Variants in SUGT1 observed in about 807,000 individuals in gnomAD.
SUGT1 encodes the protein SGT1 assembly cochaperone of MIS12 kinetochore complex, also known as protein SGT1 homolog.
SUGT1 carries 15 observed loss-of-function variants against 56.1 expected under a neutral mutation model. That is an observed-to-expected ratio of 0.27 (90% confidence interval 0.18 to 0.41). The LOEUF is 0.41. Ranked by LOEUF, SUGT1 falls within the 10% of genes least tolerant of loss-of-function variation. SUGT1 has a pLI of 1.00. For synonymous variants in SUGT1, 123 were observed against 128.6 expected (o/e 0.96, Z 0.30); for missense variants, 347 against 382.2 (o/e 0.91, Z 0.77).
intron 3 of SUGT1, 120 bp from the exon 4 acceptor site, chr13:52,658,279 T>G: frequency 4.5e-6 from 7 of 1,540,508 alleles, no homozygotes; most frequent in Non-Finnish European, 6.1e-6. Flanking sequence ...TTTCCTAATT[T>G]AAAACCATTT....
chr13:52,663,751 G>A (rs533527117), intron 7 of SUGT1, among the ~76,000 whole-genome samples: 1 of 152,236 alleles, frequency 6.6e-6, no homozygotes, highest in African/African-American at 2.4e-5. Flanking sequence ...GCCTTTAGAA[G>A]TTTTCTGTTA....
chr13:52,683,153 G>T (rs558228971), intron 12 of SUGT1, among the ~76,000 whole-genome samples: 2 of 152,170 alleles, frequency 1.3e-5, no homozygotes, highest in Non-Finnish European at 2.9e-5. Flanking sequence ...TTGAATAAGA[G>T]TAGTGAGAGT....
chr13:52,679,621 G>A (rs1366283129), intron 11 of SUGT1, among the ~76,000 whole-genome samples: 2 of 152,084 alleles, frequency 1.3e-5, no homozygotes, highest in Non-Finnish European at 2.9e-5. Flanking sequence ...TACTGTCTCT[G>A]CAACTTTTCT....
At position 52,687,704 on chromosome 13, in the gene SUGT1, G is replaced by A. The variant is rs780357929; in HGVS notation, c.901-30G>A. 6.6e-6 allele frequency: 10 copies of A among 1,519,174 alleles called. No individual in the cohort carries two copies. In the Admixed American group the frequency reaches 2.1e-4, roughly 32 times the overall value. 94.1% of individuals were successfully genotyped at this position (1,519,174 alleles called of 1,614,324 possible). ...ATTCTATTTTGATTATATGGTCCAGGAATTAATCTATTTTTATTTTTCATT... is the reference window on the plus strand; with the variant it reads ...ATTCTATTTTGATTATATGGTCCAGAAATTAATCTATTTTTATTTTTCATT... On this transcript the variant is annotated intron_variant, in intron 12 of 12. Transcript: ENST00000310528.
intron 10 of SUGT1, among the ~76,000 whole-genome samples, chr13:52,673,354 C>T (rs917352820): frequency 6.6e-6 from 1 of 151,784 alleles, no homozygotes; most frequent in African/African-American, 2.4e-5. Flanking sequence ...TCATGTGATC[C>T]TCCCACTTCA....
Position 52,690,831 on chromosome 13 carries a change from T to G in SUGT1, c.*2996T>G, listed in dbSNP as rs900353203. ...AAATGGAATGGAGAAAGAGGATGGC[T>G]TGCATTAATAACTCTAGTTTTTAAA... On this transcript the variant is annotated 3_prime_UTR_variant, in exon 13 of 13. Transcript: ENST00000310528. The G allele has an allele frequency of 1.3e-5, 2 of 152,244 alleles. No homozygotes were observed. Among genetic ancestry groups the G allele is most frequent in the Non-Finnish European group, 2.9e-5 (2 of 68,054 alleles). The allele number at this position is 152,244 out of a possible 1,614,324, so 9.4% of individuals were successfully genotyped here.
At chr13:52,674,141 G>A (rs1248153641) in intron 10 of SUGT1, among the ~76,000 whole-genome samples, 2 of 134,112 alleles carry the variant, frequency 1.5e-5, no homozygotes, top group South Asian at 2.4e-4. Flanking sequence ...TGCAGCCTCC[G>A]CCTCCCAGAT....
In SUGT1 at chr13:52,687,962, C is replaced by T. The variant is rs1383708445; in HGVS notation, c.*127C>T. On this transcript the variant is annotated 3_prime_UTR_variant, in exon 13 of 13. Transcript: ENST00000310528. ...GATTATACTTCTTTACCTCTTTGTG[C>T]TTTAGAAATTATTTTCCTTCAAGTG... The T allele has an allele frequency of 3.7e-6, 2 of 546,480 alleles. No homozygotes were observed. Among genetic ancestry groups the T allele is most frequent in the African/African-American group, 3.9e-5 (2 of 50,762 alleles). 33.9% of individuals were successfully genotyped at this position (546,480 alleles called of 1,614,324 possible).
In SUGT1 at chr13:52,693,961, GTT is replaced by G. The variant is rs1349239297; in HGVS notation, c.*6128_*6129del. The G allele has an allele frequency of 6.6e-6, 1 of 152,082 alleles. No homozygotes were observed. The highest frequency in any genetic ancestry group is 1.5e-5 in the Non-Finnish European group (1 of 68,028). 9.4% of individuals were successfully genotyped at this position (152,082 alleles called of 1,614,324 possible). ...TTTATACATGTATACTTATGATAAA[GTT>G]TATAAATTAGGCACAGTAAGATATT... is the stretch of plus-strand genomic sequence containing the variant. On this transcript the variant is annotated 3_prime_UTR_variant, in exon 13 of 13. Coordinates refer to ENST00000310528, the MANE Select transcript of SUGT1 (RefSeq NM_006704.5).
At position 52,680,169 on chromosome 13, in the gene SUGT1, C is replaced by T. The variant is rs1963315337; in HGVS notation, c.900+14C>T. The stretch of plus-strand genomic sequence containing the variant: ...AACAAATCCTTTGTAAGAATATAAA[C>T]TTAAAGAAATATATATGGGAGCAAA... On this transcript the variant is annotated intron_variant, in intron 12 of 12. Coordinates refer to ENST00000310528, the MANE Select transcript of SUGT1 (RefSeq NM_006704.5). The T allele has an allele frequency of 6.4e-7, 1 of 1,550,396 alleles. No homozygotes were observed.
rs776929310 is a variant in SUGT1, at chr13:52,665,767, A to G, written c.519+34A>G. On this transcript the variant is annotated intron_variant, in intron 9 of 12. Coordinates refer to ENST00000310528, the MANE Select transcript of SUGT1 (RefSeq NM_006704.5). The stretch of plus-strand genomic sequence containing the variant: ...ACTGAATCATTTTTCAATGTTGATT[A>G]CTATTATTTGCAAATTTAGTATATT... The G allele has an allele frequency of 2.0e-6, 3 of 1,469,900 alleles. No homozygotes were observed. In the East Asian group the frequency reaches 6.8e-5, roughly 33 times the overall value. 91.1% of individuals were successfully genotyped at this position (1,469,900 alleles called of 1,614,324 possible).
At chr13:52,674,756 A>C (rs961945153) in intron 10 of SUGT1, among the ~76,000 whole-genome samples, 2 of 152,202 alleles carry the variant, frequency 1.3e-5, no homozygotes, top group Admixed American at 6.5e-5. Context: ...TGCTCATTTA[A>C]ACTGTTTTAT....
Position 52,664,031 on chromosome 13 carries a change from C to G in SUGT1, c.400-4C>G, listed in dbSNP as rs753793567. The G allele has an allele frequency of 8.1e-6, 13 of 1,612,856 alleles. No individual in the cohort carries two copies. In the East Asian group the frequency reaches 2.2e-4, roughly 28 times the overall value. On this transcript the variant is annotated splice_region_variant and splice_polypyrimidine_tract_variant and intron_variant, in intron 7 of 12. Transcript: ENST00000310528. ...CAACTTACCAAAATCAATCTGCATC[C>G]CAGTGGACTCATCAGTCAAAAATCA...
intron 10 of SUGT1, among the ~76,000 whole-genome samples, chr13:52,675,731 T>G (rs1048882605): frequency 3.9e-5 from 6 of 152,252 alleles, no homozygotes; most frequent in African/African-American, 1.4e-4. Flanking sequence ...GTAAAACAGG[T>G]TAATGCACAT....
intron 12 of SUGT1, among the ~76,000 whole-genome samples, chr13:52,681,252 C>CAAAAA: frequency 1.0e-5 from 1 of 97,886 alleles, no homozygotes; most frequent in East Asian, 2.9e-4. Context: ...CCTATCTCTA[C>CAAAAA]AAAAAAAAAA....
Position 52,698,635 on chromosome 13 carries a change from G to C in SUGT1, c.*10800G>C, listed in dbSNP as rs931629259. The C allele has an allele frequency of 2.0e-5, 3 of 152,228 alleles. No individual in the cohort carries two copies. The highest frequency in any genetic ancestry group is 7.3e-5 in the African/African-American group (3 of 41,320). The allele number at this position is 152,228 out of a possible 1,614,324, so 9.4% of individuals were successfully genotyped here. On this transcript the variant is annotated 3_prime_UTR_variant, in exon 13 of 13. Transcript: ENST00000310528. ...TTTTTTGTAGAGACAGGGTCTTGCT[G>C]TGTTGCCCGGGCTGCTCTCTTAACT...
intron 10 of SUGT1, among the ~76,000 whole-genome samples, chr13:52,672,338 C>T (rs1197211870): frequency 2.0e-5 from 3 of 152,118 alleles, no homozygotes; most frequent in Admixed American, 6.6e-5. Flanking sequence ...AGAACAGAGG[C>T]TGTGTCCTTA....
At chr13:52,655,452 T>C (rs1484174520) in intron 2 of SUGT1, among the ~76,000 whole-genome samples, 1 of 152,190 alleles carries the variant, frequency 6.6e-6, no homozygotes, top group African/African-American at 2.4e-5. Context: ...AAACCTACTT[T>C]AAAAGCAGAG....
In SUGT1 at chr13:52,697,478, A is replaced by G. The variant is rs1219764588; in HGVS notation, c.*9643A>G. ...ATTAGGTTTGAGCATATGTAGCAAT[A>G]TGGAAACAAAGAGTGAGTCAATTTA... is the stretch of plus-strand genomic sequence containing the variant. On this transcript the variant is annotated 3_prime_UTR_variant, in exon 13 of 13. Transcript: ENST00000310528. The G allele has an allele frequency of 6.6e-6, 1 of 152,234 alleles. No individual in the cohort carries two copies. Among genetic ancestry groups the G allele is most frequent in the Non-Finnish European group, 1.5e-5 (1 of 68,052 alleles). The allele number at this position is 152,234 out of a possible 1,614,324, so 9.4% of individuals were successfully genotyped here.
Sources: allele counts gnomAD v4.1 joint callset (sites outside exome capture counted in the v4.1 genomes callset), GRCh38; gene constraint gnomAD v4.1.1; transcripts MANE v1.5; gene names NCBI Gene and HGNC (gene_info 2026-07-23, HGNC 2026-07-21).